The following CFAP69 variants were observed in gnomAD, a reference collection of about 807,000 sequenced individuals.
CFAP69 encodes the protein cilia- and flagella-associated protein 69.
Under a neutral mutation model 123.0 loss-of-function variants are expected in CFAP69, and 92 were observed. That is an observed-to-expected ratio of 0.75 (90% confidence interval 0.63 to 0.89). The LOEUF is 0.89. CFAP69 is among the 40% of genes least tolerant of loss of function. The pLI, the probability that CFAP69 is intolerant of heterozygous loss-of-function variation, is 0.00. For synonymous variants in CFAP69, 380 were observed against 364.3 expected, an observed-to-expected ratio of 1.04 and a Z score of -0.49; for missense variants, 1,067 against 1,096.9, an observed-to-expected ratio of 0.97 and a Z score of 0.39.
rs374171377 is a variant in CFAP69, at chr7:90,310,239, T to C, written c.*1T>C. 6.2e-7 allele frequency: 1 copy of C among 1,606,938 alleles called. No individual in the cohort carries two copies. Among genetic ancestry groups the C allele is most frequent in the African/African-American group, 1.3e-5 (1 of 74,730 alleles). Reference sequence around the variant, plus strand: ...ACCAAAAAAGAGTATTCCTACGTAATATACTATAGAGACTTTTTGAAATAA... The same window carrying C: ...ACCAAAAAAGAGTATTCCTACGTAACATACTATAGAGACTTTTTGAAATAA... On this transcript the variant is annotated 3_prime_UTR_variant, in exon 23 of 23. Transcript: ENST00000389297.
At chr7:90,258,426 G>C (rs1289441355) in intron 3 of CFAP69, among the ~76,000 whole-genome samples, 4 of 152,072 alleles carry the variant, frequency 2.6e-5, no homozygotes, top group Admixed American at 2.6e-4. Flanking sequence ...CCAGCTTCTG[G>C]AGGCTTCCTA....
intron 15 of CFAP69, among the ~76,000 whole-genome samples, chr7:90,294,757 A>G (rs1287659565): frequency 6.6e-6 from 1 of 152,238 alleles, no homozygotes; most frequent in African/African-American, 2.4e-5. Flanking sequence ...TGACAGAACA[A>G]TACAGAAAGA....
intron 14 of CFAP69, chr7:90,287,860 A>G: frequency 1.8e-6 from 1 of 569,160 alleles, no homozygotes. Flanking sequence ...ATCTTGCATG[A>G]TAGTTCTTAC....
rs751317491 is a variant in CFAP69 at position 90,274,131 on chromosome 7, A to G, written c.984+21A>G. ...TGATTGTAAGTATGAATCAAATTGC[A>G]TTAATTTTAATTGTGGAAGTGGTGG... On this transcript the variant is annotated intron_variant, in intron 9 of 22. Coordinates refer to ENST00000389297, the MANE Select transcript of CFAP69 (RefSeq NM_001039706.3). 2.1e-5 allele frequency: 34 copies of G among 1,586,640 alleles called. No individual in the cohort carries two copies. In the Middle Eastern group the frequency reaches 5.3e-4, roughly 25 times the overall value.
rs1799992580 is a variant in CFAP69, at chr7:90,271,802, T to C, written c.704T>C (p.Met235Thr). Reference sequence around the variant, plus strand: ...TCAGAAGTTAATTGTACTATAATGATGAAAGCACAAGCAGCCAGTGGAATC... The same window carrying C: ...TCAGAAGTTAATTGTACTATAATGACGAAAGCACAAGCAGCCAGTGGAATC... ...STSEVNCTIM[M>T]KAQAASGICT... Residue 235 changes from methionine to threonine, a missense_variant, in exon 8 of 23, where the codon ATG becomes ACG. Coordinates refer to ENST00000389297, the MANE Select transcript of CFAP69 (RefSeq NM_001039706.3). 1.9e-6 allele frequency: 3 copies of C among 1,582,158 alleles called. No individual in the cohort carries two copies. The highest frequency in any genetic ancestry group is 1.7e-6 in the Non-Finnish European group (2 of 1,164,078).
At chr7:90,306,779 A>G in intron 19 of CFAP69, 122 bp from the exon 20 acceptor site, 1 of 665,462 alleles carries the variant, frequency 1.5e-6, no homozygotes, top group East Asian at 2.8e-5. Flanking sequence ...TATTCCCAGG[A>G]AGTAATTTAG....
chr7:90,253,484 G>A (rs896019524), intron 1 of CFAP69, among the ~76,000 whole-genome samples: 7 of 152,002 alleles, frequency 4.6e-5, no homozygotes, highest in Non-Finnish European at 8.8e-5. Flanking sequence ...TCCACCTCCC[G>A]GGTTCAAGCA....
At chr7:90,271,105 A>G (rs1799886585) in intron 6 of CFAP69, among the ~76,000 whole-genome samples, 3 of 152,164 alleles carry the variant, frequency 2.0e-5, no homozygotes, top group Admixed American at 2.0e-4. Context: ...ATATCTACTG[A>G]CAAGAAATAT....
intron 9 of CFAP69, among the ~76,000 whole-genome samples, chr7:90,275,116 C>T (rs1225500889): frequency 6.6e-6 from 1 of 152,172 alleles, no homozygotes; most frequent in Non-Finnish European, 1.5e-5. Flanking sequence ...CTGTTAATCT[C>T]ATCCAGTGCA....
intron 1 of CFAP69, among the ~76,000 whole-genome samples, chr7:90,249,350 C>A (rs1157370340): frequency 1.3e-5 from 2 of 152,168 alleles, no homozygotes; most frequent in African/African-American, 4.8e-5. Context: ...CCAGGTGGAA[C>A]TGTGAGTCAA....
In CFAP69 at chr7:90,286,348, T is replaced by C; in HGVS notation, c.1605T>C (p.Ser535=). ...KEEAIVLEIQ[S]DILLILSGLC... ...AAGCCATTGTTTTGGAAATCCAGTC[T>C]GATATATTACTTATCCTATCTGGCC... The change falls in exon 14 of 23, where the codon TCT becomes TCC. Residue 535 remains serine, a synonymous_variant. Transcript: ENST00000389297. 1 of 1,611,510 alleles carries C rather than the reference T, an allele frequency of 6.2e-7. No individual in the cohort carries two copies. The highest frequency in any genetic ancestry group is 1.1e-5 in the South Asian group (1 of 90,772).
At chr7:90,246,787 G>A (rs1458456066) in intron 1 of CFAP69, among the ~76,000 whole-genome samples, 1 of 151,308 alleles carries the variant, frequency 6.6e-6, no homozygotes, top group South Asian at 2.1e-4. Flanking sequence ...GAAAAATTGG[G>A]CAACGTTATA....
At position 90,245,220 on chromosome 7, in the gene CFAP69, TG is replaced by T; in HGVS notation, c.-202del. ...AACAACCGGCCCGGGATCAGAGGTCTGGGTCAACTGGGGGGCGGCAGCGGCG... is the reference window on the plus strand; with the variant it reads ...AACAACCGGCCCGGGATCAGAGGTCTGGTCAACTGGGGGGCGGCAGCGGCG... On this transcript the variant is annotated 5_prime_UTR_variant, in exon 1 of 23. Transcript: ENST00000389297. The T allele has an allele frequency of 1.8e-6, 1 of 548,734 alleles. No individual in the cohort carries two copies. 34.0% of individuals were successfully genotyped at this position (548,734 alleles called of 1,614,324 possible).
In CFAP69 at chr7:90,280,656, G is replaced by C. The variant is rs563484265; in HGVS notation, c.1372+763G>C. 2.0e-5 allele frequency among the ~76,000 whole-genome samples: 3 copies of C among 152,308 alleles called. No individual in the cohort carries two copies. The East Asian group carries it at 5.8e-4, about 29-fold the overall frequency. On this transcript the variant is annotated intron_variant, in intron 12 of 22. Coordinates refer to ENST00000389297, the MANE Select transcript of CFAP69 (RefSeq NM_001039706.3). ...TTAAAATCTAGATCTCTAGCCAGAA[G>C]TAATGACTCCAGTGTGGTCTACCAA...
Position 90,288,302 on chromosome 7 carries a change from G to A in CFAP69, c.1725G>A (p.Gln575=). The A allele has an allele frequency of 6.2e-7, 1 of 1,612,498 alleles. No individual in the cohort carries two copies. Among genetic ancestry groups the A allele is most frequent in the Non-Finnish European group, 8.5e-7 (1 of 1,178,890 alleles). ...HVMKTDPRKL[Q]SGLGYNVLLF... is the part of the protein sequence containing the mutation. ...TGAAAACAGACCCCAGGAAGTTACAGAGTGGCTTAGGCTATAATGTACTTC... is the reference window on the plus strand; with the variant it reads ...TGAAAACAGACCCCAGGAAGTTACAAAGTGGCTTAGGCTATAATGTACTTC... Residue 575 remains glutamine (Q), a synonymous_variant, in exon 15 of 23, where the codon CAG becomes CAA. Coordinates refer to ENST00000389297, the MANE Select transcript of CFAP69 (RefSeq NM_001039706.3).
intron 1 of CFAP69, among the ~76,000 whole-genome samples, chr7:90,253,577 A>G (rs1181408425): frequency 6.6e-6 from 1 of 152,092 alleles, no homozygotes; most frequent in Non-Finnish European, 1.5e-5. Flanking sequence ...TTTTTAGTAA[A>G]GACAGAGTTT....
chr7:90,299,919 G>C lies in CFAP69; in HGVS notation c.1910G>C (p.Cys637Ser). ...ATACTTGGAATAATGGTTGAATTTT[G>C]TGATAATCCCAAAACTGCAGCTCAT... Reference protein sequence around the residue: ...NLILGIMVEFCDNPKTAAHVN... With the variant: ...NLILGIMVEFSDNPKTAAHVN... Residue 637 changes from cysteine to serine, a missense_variant, in exon 17 of 23, where the codon TGT (cysteine) becomes TCT (serine). Coordinates refer to ENST00000389297, the MANE Select transcript of CFAP69 (RefSeq NM_001039706.3). The C allele has an allele frequency of 1.2e-6, 2 of 1,609,882 alleles. No individual in the cohort carries two copies. Among genetic ancestry groups the C allele is most frequent in the Non-Finnish European group, 1.7e-6 (2 of 1,178,094 alleles).
At chr7:90,270,560 G>C (rs1214737098) in intron 6 of CFAP69, among the ~76,000 whole-genome samples, 1 of 151,984 alleles carries the variant, frequency 6.6e-6, no homozygotes, top group African/African-American at 2.4e-5. Context: ...GAGGTGAGTA[G>C]CTAGAGCATA....
Position 90,306,963 on chromosome 7 carries a change from T to C in CFAP69, c.2328T>C (p.Thr776=). 1 of 1,590,738 alleles carries C rather than the reference T, an allele frequency of 6.3e-7. No individual in the cohort carries two copies. The highest frequency in any genetic ancestry group is 8.6e-7 in the Non-Finnish European group (1 of 1,160,408). ...EIKLEKLRPV[T]TDKKALEAIT... is the part of the protein sequence containing the mutation. ...AATTAGAAAAATTAAGACCAGTCAC[T>C]ACAGATAAAAAAGCTTTGGAAGCTA... The change falls in exon 20 of 23, where the codon ACT becomes ACC. Residue 776 remains threonine, a synonymous_variant. Transcript: ENST00000389297.
Sources: gnomAD v4.1 joint callset for allele counts (sites outside exome capture counted in the v4.1 genomes callset) on GRCh38, gnomAD v4.1.1 for gene constraint, MANE v1.5 for transcripts, NCBI Gene and HGNC (gene_info 2026-07-23, HGNC 2026-07-21) for gene names.